Variants in AUTS2 observed in about 807,000 individuals in gnomAD.
The protein encoded by AUTS2 is autism susceptibility gene 2 protein.
A neutral mutation model predicts 112.4 loss-of-function variants in AUTS2; 17 were observed. The ratio of observed to expected loss-of-function variants is 0.15; its 90% CI spans 0.10 to 0.23. AUTS2 has a LOEUF of 0.23. AUTS2 is among the 10% of genes least tolerant of loss of function. AUTS2 has a pLI of 1.00. For missense variants in AUTS2, 1,510 were observed against 1,701.6 expected (o/e 0.89, Z 1.98); for synonymous variants, 751 against 702.7 (o/e 1.07, Z -1.09).
chr7:70,605,853 T>C (rs1442018656), intron 5 of AUTS2, among the ~76,000 whole-genome samples: 1 of 152,222 alleles, frequency 6.6e-6, no homozygotes, highest in African/African-American at 2.4e-5. Flanking sequence ...AGAAATGTTA[T>C]GTATTGTTTT....
intron 4 of AUTS2, among the ~76,000 whole-genome samples, chr7:70,156,366 C>T (rs1807758517): frequency 1.3e-5 from 2 of 152,108 alleles, no homozygotes; most frequent in South Asian, 2.1e-4. Flanking sequence ...TCTGTAGGGG[C>T]GGCAATGGCT....
intron 1 of AUTS2, among the ~76,000 whole-genome samples, chr7:69,845,827 A>G (rs890299274): frequency 1.3e-5 from 2 of 152,092 alleles, no homozygotes; most frequent in Non-Finnish European, 2.9e-5. Flanking sequence ...CACCAATCCA[A>G]TCAAAGGCAG....
At chr7:70,605,546 C>CTTTTTTTTTTTTTTTTTTTTTTTTTTTT in intron 5 of AUTS2, among the ~76,000 whole-genome samples, 6 of 70,666 alleles carry the variant, frequency 8.5e-5, no homozygotes, top group African/African-American at 1.3e-4. Context: ...CCTTCTTTCT[C>CTTTTTTTTTTTTTTTTTTTTTTTTTTTT]TTTTTTTTTT....
At chr7:69,748,583 A>C (rs1321426297) in intron 1 of AUTS2, among the ~76,000 whole-genome samples, 5 of 152,206 alleles carry the variant, frequency 3.3e-5, no homozygotes, top group African/African-American at 1.2e-4. Context: ...ATAAAAGAGA[A>C]ATTTTGTATT....
At chr7:70,624,030 A>G (rs1585396028) in intron 5 of AUTS2, among the ~76,000 whole-genome samples, 1 of 152,354 alleles carries the variant, frequency 6.6e-6, no homozygotes, top group African/African-American at 2.4e-5. Context: ...CCAGGGAAGT[A>G]CCTACCTGAA....
intron 1 of AUTS2, among the ~76,000 whole-genome samples, chr7:69,829,328 A>G (rs563149262): frequency 3.3e-5 from 5 of 152,316 alleles, no homozygotes; most frequent in African/African-American, 7.2e-5. Flanking sequence ...GGACATAGGC[A>G]TGGGGCAAAG....
Position 70,766,648 on chromosome 7 carries a change from C to T in AUTS2, c.1689+314C>T, listed in dbSNP as rs912880054. The stretch of plus-strand genomic sequence containing the variant: ...GGTTGTTTAGTTTTCTTGAACTTCC[C>T]GGGGGACTGTCACCAGGCAGAAAAT... On this transcript the variant is annotated intron_variant, in intron 9 of 18. Transcript: ENST00000342771. This position sits in a 1 kb window ranked among gnomAD's most constrained non-coding sequence, Gnocchi z 4.8. Among the ~76,000 whole-genome samples the T allele has an allele frequency of 1.3e-5, 2 of 152,166 alleles. No homozygotes were observed. The highest frequency in any genetic ancestry group is 3.9e-4 in the East Asian group (2 of 5,188).
rs566101555 is a variant in AUTS2 at position 70,566,417 on chromosome 7, A to G, written c.690+130636A>G. The stretch of plus-strand genomic sequence containing the variant: ...CCTGTAAAAGCATGCAGATGAAAGT[A>G]TCTTTAATGTATAATTACATTTTTA... On this transcript the variant is annotated intron_variant, in intron 5 of 18. Coordinates refer to ENST00000342771, the MANE Select transcript of AUTS2 (RefSeq NM_015570.4). Among the ~76,000 whole-genome samples, 18 of 152,360 alleles carry G rather than the reference A, an allele frequency of 1.2e-4. No homozygotes were observed. The South Asian group carries it at 3.5e-3, about 30-fold the overall frequency.
chr7:70,249,740 C>G (rs995155595), intron 4 of AUTS2, among the ~76,000 whole-genome samples: 16 of 151,912 alleles, frequency 1.1e-4, no homozygotes, highest in African/African-American at 3.6e-4. Context: ...TTTTCTCTGA[C>G]TCAAACTCAG....
chr7:69,715,397 T>C (rs911959534), intron 1 of AUTS2, among the ~76,000 whole-genome samples: 2 of 152,132 alleles, frequency 1.3e-5, no homozygotes, highest in African/African-American at 4.8e-5. Flanking sequence ...AAGGACATAC[T>C]TGAGGTCGGG....
intron 1 of AUTS2, among the ~76,000 whole-genome samples, chr7:69,879,275 C>A (rs186643187): frequency 3.6e-4 from 55 of 151,862 alleles, no homozygotes; most frequent in African/African-American, 1.3e-3. Context: ...TCCCAAGTAG[C>A]TGGGACTACA....
chr7:69,837,537 G>C (rs1313118615), intron 1 of AUTS2, among the ~76,000 whole-genome samples: 1 of 152,048 alleles, frequency 6.6e-6, no homozygotes, highest in Admixed American at 6.5e-5. Context: ...ACAATTGCCT[G>C]CCCCTCCTCT....
intron 2 of AUTS2, among the ~76,000 whole-genome samples, chr7:69,902,744 T>A (rs985933471): frequency 5.3e-5 from 8 of 152,214 alleles, no homozygotes; most frequent in African/African-American, 1.9e-4. Context: ...ACCAAACTGC[T>A]TATTCTTTCA....
rs374548780 is a variant in AUTS2 at position 70,790,206 on chromosome 7, C to T, written c.2990C>T (p.Pro997Leu). The T allele has an allele frequency of 8.7e-6, 14 of 1,612,420 alleles. No homozygotes were observed. The highest frequency in any genetic ancestry group is 4.5e-5 in the East Asian group (2 of 44,832). The change falls in exon 19 of 19, where the codon CCG (proline) becomes CTG (leucine). Residue 997 changes from proline (P) to leucine (L), a missense_variant. By Grantham distance (98) the Pro-to-Leu change is moderately conservative. Around this residue, in one of 3 missense-constraint regions of AUTS2, gnomAD observed 788 missense variants for 797.6 expected, o/e 0.99. Coordinates refer to ENST00000342771, the MANE Select transcript of AUTS2 (RefSeq NM_015570.4). The surrounding 1 kb of genome is among the most constrained non-coding windows in gnomAD (Gnocchi z 7.6). The part of the protein sequence containing the change: ...KEDHDLPPEA[P>L]QTHRASEPPP... ...GACCATGACCTGCCTCCAGAGGCCC[C>T]GCAGACCCACCGGGCCTCGGAGCCG...
At position 69,649,514 on chromosome 7, in the gene AUTS2, C is replaced by CT. The variant is rs369884048; in HGVS notation, c.309+49562dup. 1.5e-4 allele frequency among the ~76,000 whole-genome samples: 22 copies of CT among 147,950 alleles called. No individual in the cohort carries two copies. The East Asian group carries it at 2.4e-3, about 16-fold the overall frequency. On this transcript the variant is annotated intron_variant, in intron 1 of 18. Coordinates refer to ENST00000342771, the MANE Select transcript of AUTS2 (RefSeq NM_015570.4). ...TGCTTTGTCAGAGTCTCACTGTATG[C>CT]TTTTTTTTTTGGCCTTTGGCGCTGT...
chr7:69,599,943 T>C lies in AUTS2; in HGVS notation c.290T>C (p.Val97Ala). 6.2e-7 allele frequency: 1 copy of C among 1,613,490 alleles called. No homozygotes were observed. Among genetic ancestry groups the C allele is most frequent in the African/African-American group, 1.3e-5 (1 of 75,032 alleles). ...GATGGATTTGCCATGACCAGCTTTGTCACTTTTGAAGCGCTGGAGGTAAGG... is the reference window on the plus strand; with the variant it reads ...GATGGATTTGCCATGACCAGCTTTGCCACTTTTGAAGCGCTGGAGGTAAGG... The part of the protein sequence containing the change: ...IIDGFAMTSF[V>A]TFEALEKDVA... Residue 97 changes from valine (V) to alanine (A), a missense_variant, in exon 1 of 19, where the codon GTC becomes GCC. Coordinates refer to ENST00000342771, the MANE Select transcript of AUTS2 (RefSeq NM_015570.4). The surrounding 1 kb of genome is among the most constrained non-coding windows in gnomAD (Gnocchi z 7.0).
At chr7:69,920,069 G>A (rs1226182298) in intron 2 of AUTS2, among the ~76,000 whole-genome samples, 1 of 147,272 alleles carries the variant, frequency 6.8e-6, no homozygotes, top group Admixed American at 6.8e-5. Flanking sequence ...TTTTTTGTTT[G>A]GGGTGGGCGG....
intron 2 of AUTS2, among the ~76,000 whole-genome samples, chr7:70,108,924 T>G (rs1247506271): frequency 6.6e-6 from 1 of 152,068 alleles, no homozygotes; most frequent in Non-Finnish European, 1.5e-5. Context: ...AATTGTTCCA[T>G]TTTTGGTCAG....
At chr7:70,147,658 A>C (rs1241613018) in intron 4 of AUTS2, among the ~76,000 whole-genome samples, 1 of 152,152 alleles carries the variant, frequency 6.6e-6, no homozygotes, top group East Asian at 1.9e-4. Context: ...GATCATTTAC[A>C]CGGGTGTACC....
Sources: gnomAD v4.1 joint callset for allele counts (sites outside exome capture counted in the v4.1 genomes callset) on GRCh38, gnomAD v4.1.1 for gene constraint, gnomAD v4.1.1 regional missense constraint, Gnocchi (gnomAD v3.1) non-coding constraint, MANE v1.5 for transcripts, NCBI Gene and HGNC (gene_info 2026-07-23, HGNC 2026-07-21) for gene names.